The following LRP2 variants were observed in gnomAD, a reference collection of about 807,000 sequenced individuals.
The protein encoded by LRP2 is low-density lipoprotein receptor-related protein 2.
Under a neutral mutation model 531.0 loss-of-function variants are expected in LRP2, and 172 were observed. The ratio of observed to expected loss-of-function variants is 0.32; its 90% CI spans 0.29 to 0.37. LRP2 has a LOEUF of 0.37. Among genes scored for constraint, LRP2 ranks in the 10% least tolerant of loss-of-function variants. LRP2 has a pLI of 1.00. For synonymous variants in LRP2, 1,992 were observed against 2,027.6 expected (o/e 0.98, Z 0.47); for missense variants, 5,167 against 5,868.3 (o/e 0.88, Z 3.90).
intron 48 of LRP2, among the ~76,000 whole-genome samples, chr2:169,189,319 C>T (rs983728732): frequency 6.6e-6 from 1 of 152,184 alleles, no homozygotes. Flanking sequence ...TCCATAAACC[C>T]AGGGCCTTGT....
rs143892351 is a variant in LRP2, at chr2:169,188,274, T to C, written c.9033-9A>G. ...CATTGTGCCGGTCACACCTGTATCA[T>C]GAGATCCAGTACCACTTTCAGAGAG... On this transcript the variant is annotated splice_polypyrimidine_tract_variant and intron_variant, in intron 48 of 78. Coordinates refer to ENST00000649046, the MANE Select transcript of LRP2 (RefSeq NM_004525.3). 2.2e-4 allele frequency: 349 copies of C among 1,613,248 alleles called. No individual in the cohort carries two copies. In the African/African-American group the frequency reaches 3.5e-3, roughly 16 times the overall value.
intron 9 of LRP2, 126 bp from the exon 10 acceptor site, chr2:169,283,127 G>A: frequency 1.1e-6 from 1 of 902,622 alleles, no homozygotes; most frequent in Non-Finnish European, 1.8e-6. Flanking sequence ...ACACCCTCTG[G>A]AATTAGGCAC....
chr2:169,297,334 T>G (rs2105476422), intron 4 of LRP2, among the ~76,000 whole-genome samples: 1 of 152,296 alleles, frequency 6.6e-6, no homozygotes, highest in South Asian at 2.1e-4. Flanking sequence ...AAGTCTAACC[T>G]TCTTCCCACA....
At chr2:169,327,408 G>T (rs7567247) in intron 1 of LRP2, among the ~76,000 whole-genome samples, 12 of 112,152 alleles carry the variant, frequency 1.1e-4, no homozygotes, top group Admixed American at 1.6e-4. Context: ...CCCCTCTGCC[G>T]GGCCAGCCAC....
intron 65 of LRP2, 89 bp from the exon 66 acceptor site, chr2:169,154,692 C>T: frequency 1.7e-6 from 2 of 1,181,920 alleles, no homozygotes; most frequent in Non-Finnish European, 2.5e-6. Flanking sequence ...GTACCTGTCC[C>T]CTTTTTAAAG....
In LRP2 at chr2:169,212,068, T is replaced by C. The variant is rs1420904526; in HGVS notation, c.6180A>G (p.Pro2060=). Residue 2060 remains proline, a synonymous_variant, in exon 37 of 79, where the codon CCA becomes CCG. Coordinates refer to ENST00000649046, the MANE Select transcript of LRP2 (RefSeq NM_004525.3). ...TTGAAACAACAATGAAAGAGTTATA[T>C]GGAGAGCAGGACCGATTATCAGGAT... ...KLNPDNRSCS[P]YNSFIVVSML... is the part of the protein sequence containing the mutation. 2.5e-6 allele frequency: 4 copies of C among 1,614,030 alleles called. No individual in the cohort carries two copies. In the African/African-American group the frequency reaches 5.3e-5, roughly 22 times the overall value.
chr2:169,168,021 ATATATATATATATAT>A (rs1486703097), intron 61 of LRP2, among the ~76,000 whole-genome samples: 1 of 68,084 alleles, frequency 1.5e-5, no homozygotes, highest in Non-Finnish European at 3.1e-5. Context: ...GGTTTAAAAT[ATATATATATATATAT>A]ATATATATAT....
chr2:169,324,299 C>G (rs1368265588), intron 1 of LRP2, among the ~76,000 whole-genome samples: 1 of 151,972 alleles, frequency 6.6e-6, no homozygotes, highest in Non-Finnish European at 1.5e-5. Context: ...ACTCTATGTT[C>G]CCTTTCACCA....
chr2:169,307,207 T>A, intron 4 of LRP2, 74 bp downstream of exon 4: 1 of 991,698 alleles, frequency 1.0e-6, no homozygotes, highest in Non-Finnish European at 1.6e-6. Flanking sequence ...CATCAACAAA[T>A]CTAACAAATT....
intron 34 of LRP2, among the ~76,000 whole-genome samples, chr2:169,218,833 C>T (rs1688886883): frequency 6.6e-6 from 1 of 152,138 alleles, no homozygotes; most frequent in Non-Finnish European, 1.5e-5. Flanking sequence ...ACCTAGGAAG[C>T]CTCCTACTGA....
Position 169,259,220 on chromosome 2 carries a change from A to G in LRP2, c.2321-3T>C, listed in dbSNP as rs529050791. On this transcript the variant is annotated splice_region_variant and splice_polypyrimidine_tract_variant and intron_variant, in intron 16 of 78. Transcript: ENST00000649046. ...GTTAGCTGCGAGAATTTCTCTTCCT[A>G]TAAGTTAAAATATGGACATATTTTA... is the stretch of plus-strand genomic sequence containing the variant. 180 of 1,608,212 alleles carry G rather than the reference A, an allele frequency of 1.1e-4. No individual in the cohort carries two copies. The South Asian group carries it at 1.3e-3, about 12-fold the overall frequency.
At chr2:169,329,177 A>G (rs1685199555) in intron 1 of LRP2, among the ~76,000 whole-genome samples, 1 of 152,228 alleles carries the variant, frequency 6.6e-6, no homozygotes, top group African/African-American at 2.4e-5. Context: ...TTATAAGACT[A>G]CACTGGGTCT....
In LRP2 at chr2:169,318,655, C is replaced by A. The variant is rs1684830992; in HGVS notation, c.310+107G>T. The stretch of plus-strand genomic sequence containing the variant: ...ATAGGTTCCCTTATGATTTAAGGCC[C>A]TGCTCCACATTTATAAAGAATCATC... On this transcript the variant is annotated intron_variant, in intron 3 of 78. Transcript: ENST00000649046. 17 of 1,510,778 alleles carry A rather than the reference C, an allele frequency of 1.1e-5. No individual in the cohort carries two copies. In the South Asian group the frequency reaches 1.9e-4, roughly 17 times the overall value. The allele number at this position is 1,510,778 out of a possible 1,614,324, so 93.6% of individuals were successfully genotyped here.
chr2:169,268,816 C>A (rs1042264129), intron 16 of LRP2, among the ~76,000 whole-genome samples: 2 of 152,068 alleles, frequency 1.3e-5, no homozygotes, highest in Non-Finnish European at 2.9e-5. Flanking sequence ...TCAAATTGTC[C>A]CTGTTTGCAG....
At chr2:169,319,563 A>T (rs772507219) in intron 2 of LRP2, among the ~76,000 whole-genome samples, 14 of 152,200 alleles carry the variant, frequency 9.2e-5, no homozygotes, top group Non-Finnish European at 1.6e-4. Context: ...ATAGCTGTTC[A>T]CTTATTCCTT....
intron 48 of LRP2, 26 bp downstream of exon 48, chr2:169,191,806 G>A (rs762429160): frequency 1.0e-5 from 16 of 1,604,738 alleles, no homozygotes; most frequent in Middle Eastern, 1.7e-4. Context: ...GAGGCATGCT[G>A]GGTAACTTCT....
At chr2:169,210,025 A>T (rs1688538655) in intron 37 of LRP2, among the ~76,000 whole-genome samples, 1 of 152,236 alleles carries the variant, frequency 6.6e-6, no homozygotes. Flanking sequence ...TGACTGTAAC[A>T]CACTGAATTT....
chr2:169,178,993 ATTTAT>A (rs1219373334), intron 52 of LRP2, among the ~76,000 whole-genome samples: 1 of 147,042 alleles, frequency 6.8e-6, no homozygotes, highest in African/African-American at 2.6e-5. Context: ...TGATTTATTT[ATTTAT>A]TTATTTATTT....
Position 169,278,097 on chromosome 2 carries a change from T to G in LRP2, c.1566-146A>C, listed in dbSNP as rs545095826. 833 of 647,534 alleles carry G rather than the reference T, an allele frequency of 1.3e-3. 6 individuals carry two copies. The African/African-American group carries it at 0.015, about 11-fold the overall frequency. 40.1% of individuals were successfully genotyped at this position (647,534 alleles called of 1,614,324 possible). A position where few individuals can be genotyped will look rare whatever the true frequency, so the allele number is the denominator to read the frequency against. Reference sequence around the variant, plus strand: ...TAAAACAACAGGGAAATTAAGTTGTTTTTTTTTTTTAAAGAGACTGTGGGG... The same window carrying G: ...TAAAACAACAGGGAAATTAAGTTGTGTTTTTTTTTTAAAGAGACTGTGGGG... On this transcript the variant is annotated intron_variant, in intron 12 of 78. Coordinates refer to ENST00000649046, the MANE Select transcript of LRP2 (RefSeq NM_004525.3).
Sources: gnomAD v4.1 joint callset for allele counts (sites outside exome capture counted in the v4.1 genomes callset) on GRCh38, gnomAD v4.1.1 for gene constraint, MANE v1.5 for transcripts, NCBI Gene and HGNC (gene_info 2026-07-23, HGNC 2026-07-21) for gene names.